Variants in HS6ST3 observed in about 807,000 individuals in gnomAD.
The protein encoded by HS6ST3 is heparan sulfate 6-O-sulfotransferase 3.
In HS6ST3, 12 loss-of-function variants were observed where a neutral mutation model predicts 36.7. The ratio of observed to expected loss-of-function variants is 0.33; its 90% CI spans 0.21 to 0.53. The LOEUF (loss-of-function observed/expected upper bound fraction) is 0.53, where lower values mean the gene tolerates loss of function less well. Among genes scored for constraint, HS6ST3 ranks in the 20% least tolerant of loss-of-function variants. The pLI is 0.95. For missense variants in HS6ST3, 584 were observed against 640.9 expected (o/e 0.91, Z 0.96); for synonymous variants, 240 against 257.5 (o/e 0.93, Z 0.65).
chr13:96,739,337 C>T (rs1876376911), intron 1 of HS6ST3, among the ~76,000 whole-genome samples: 1 of 151,448 alleles, frequency 6.6e-6, no homozygotes, highest in African/African-American at 2.4e-5. Flanking sequence ...TTGCCTTTGA[C>T]TCTCGAGTGT....
At chr13:96,685,842 C>G (rs753772405) in intron 1 of HS6ST3, among the ~76,000 whole-genome samples, 1 of 151,994 alleles carries the variant, frequency 6.6e-6, no homozygotes, top group Non-Finnish European at 1.5e-5. Context: ...GATCCACATG[C>G]CCGGCATGCC....
At chr13:96,613,618 T>C (rs1406784723) in intron 1 of HS6ST3, among the ~76,000 whole-genome samples, 1 of 152,240 alleles carries the variant, frequency 6.6e-6, no homozygotes, top group East Asian at 1.9e-4. Flanking sequence ...TTTAATTCAA[T>C]CACTATGTAC....
In HS6ST3 at chr13:96,552,428, G is replaced by A. The variant is rs192236967; in HGVS notation, c.708-280062G>A. On this transcript the variant is annotated intron_variant, in intron 1 of 1. Transcript: ENST00000376705. The stretch of plus-strand genomic sequence containing the variant: ...GGTGTTTCTGTCTTCTCTATAGCTG[G>A]CCTTCTGCAAGTGGTCACATCTGTG... Among the ~76,000 whole-genome samples the A allele has an allele frequency of 1.8e-3, 270 of 152,278 alleles. 1 individual carries two copies. The highest frequency in any genetic ancestry group is 3.1e-3 in the Admixed American group (48 of 15,296).
At chr13:96,607,101 A>G (rs904992818) in intron 1 of HS6ST3, among the ~76,000 whole-genome samples, 1 of 152,242 alleles carries the variant, frequency 6.6e-6, no homozygotes, top group African/African-American at 2.4e-5. Context: ...CTGAAAGAGT[A>G]CATCACATCC....
chr13:96,729,016 G>A (rs1406484107), intron 1 of HS6ST3, among the ~76,000 whole-genome samples: 1 of 152,178 alleles, frequency 6.6e-6, no homozygotes, highest in Non-Finnish European at 1.5e-5. Context: ...ATGTAAGAAT[G>A]CATAGGGAAT....
intron 1 of HS6ST3, among the ~76,000 whole-genome samples, chr13:96,153,809 A>G (rs765145411): frequency 2.0e-4 from 31 of 152,252 alleles, no homozygotes; most frequent in Non-Finnish European, 4.1e-4. Flanking sequence ...GGAATTTCCA[A>G]CCAGAATATT....
chr13:96,495,028 C>T (rs543424907), intron 1 of HS6ST3, among the ~76,000 whole-genome samples: 32 of 152,318 alleles, frequency 2.1e-4, no homozygotes, highest in African/African-American at 7.7e-4. Flanking sequence ...TCTTTCCCTC[C>T]TCTGCCTTCC....
rs141456791 is a variant in HS6ST3, at chr13:96,507,232, A to G, written c.708-325258A>G. On this transcript the variant is annotated intron_variant, in intron 1 of 1. Transcript: ENST00000376705. ...CTGCTGGCAATTTGGTGCATCCACT[A>G]TAGACACTGTTTTGGTCAAACTTAC... 9.8e-3 allele frequency among the ~76,000 whole-genome samples: 1,499 copies of G among 152,272 alleles called. 20 individuals carry two copies. Among genetic ancestry groups the G allele is most frequent in the Non-Finnish European group, 0.016 (1,080 of 67,994 alleles).
At chr13:96,415,935 T>G (rs1008740387) in intron 1 of HS6ST3, among the ~76,000 whole-genome samples, 1 of 152,212 alleles carries the variant, frequency 6.6e-6, no homozygotes, top group Non-Finnish European at 1.5e-5. Context: ...AGTTGACTAT[T>G]AAAACTGAGA....
intron 1 of HS6ST3, among the ~76,000 whole-genome samples, chr13:96,688,501 C>T (rs952494576): frequency 2.6e-5 from 4 of 151,928 alleles, no homozygotes; most frequent in African/African-American, 9.7e-5. Context: ...TTAATTGCTG[C>T]GTGCACCTTT....
rs149980685 is a variant in HS6ST3 at position 96,782,951 on chromosome 13, T to A, written c.708-49539T>A. ...TATCTGTGGCAAGAAAGATAAACTC[T>A]GAGAGGCCAGAAATTCTCATCTATA... On this transcript the variant is annotated intron_variant, in intron 1 of 1. Transcript: ENST00000376705. Among the ~76,000 whole-genome samples, 98 of 152,176 alleles carry A rather than the reference T, an allele frequency of 6.4e-4. 2 individuals are homozygous for A. The highest frequency in any genetic ancestry group is 2.2e-3 in the African/African-American group (93 of 41,514).
intron 1 of HS6ST3, among the ~76,000 whole-genome samples, chr13:96,491,955 A>G (rs761447673): frequency 3.9e-5 from 6 of 152,154 alleles, no homozygotes; most frequent in Non-Finnish European, 5.9e-5. Context: ...TAGAGCTTCA[A>G]TTCCACTACT....
chr13:96,135,686 T>C (rs2053998182), intron 1 of HS6ST3, among the ~76,000 whole-genome samples: 1 of 152,136 alleles, frequency 6.6e-6, no homozygotes, highest in South Asian at 2.1e-4. Context: ...GATGGGCTAA[T>C]AGGGCCGTTG....
At chr13:96,200,764 C>A (rs947589053) in intron 1 of HS6ST3, among the ~76,000 whole-genome samples, 1 of 152,206 alleles carries the variant, frequency 6.6e-6, no homozygotes, top group African/African-American at 2.4e-5. Flanking sequence ...TGGATGGCTA[C>A]AGAATATACC....
chr13:96,679,421 T>C (rs1393371053), intron 1 of HS6ST3, among the ~76,000 whole-genome samples: 6 of 151,978 alleles, frequency 3.9e-5, no homozygotes, highest in Non-Finnish European at 7.4e-5. Context: ...CAGGCACTCC[T>C]AACCACCCCA....
At chr13:96,629,331 ATCT>A (rs1296876742) in intron 1 of HS6ST3, among the ~76,000 whole-genome samples, 1 of 152,210 alleles carries the variant, frequency 6.6e-6, no homozygotes, top group Non-Finnish European at 1.5e-5. Flanking sequence ...ATGTGCCAAT[ATCT>A]TTCTCAGAAT....
At chr13:96,432,120 C>A (rs1454258302) in intron 1 of HS6ST3, among the ~76,000 whole-genome samples, 1 of 152,072 alleles carries the variant, frequency 6.6e-6, no homozygotes, top group Non-Finnish European at 1.5e-5. Context: ...TGCCCTTTTT[C>A]CTTTACTTTT....
chr13:96,175,105 G>A (rs766788868), intron 1 of HS6ST3, among the ~76,000 whole-genome samples: 15 of 152,006 alleles, frequency 9.9e-5, no homozygotes, highest in Non-Finnish European at 1.3e-4. Context: ...TAGTCTTACC[G>A]TTTCTTGGAT....
chr13:96,650,429 T>G (rs1289674623), intron 1 of HS6ST3, among the ~76,000 whole-genome samples: 2 of 152,056 alleles, frequency 1.3e-5, no homozygotes, highest in East Asian at 1.9e-4. Context: ...GTCATTCCTC[T>G]TCTACATTCT....
Sources: gnomAD v4.1 joint callset for allele counts (sites outside exome capture counted in the v4.1 genomes callset) on GRCh38, gnomAD v4.1.1 for gene constraint, MANE v1.5 for transcripts, NCBI Gene and HGNC (gene_info 2026-07-23, HGNC 2026-07-21) for gene names.